The following SLC22A23 variants were observed in gnomAD, a reference collection of about 807,000 sequenced individuals.
SLC22A23 encodes the protein solute carrier family 22 member 23.
In SLC22A23, 26 loss-of-function variants were observed where a neutral mutation model predicts 61.0. The observed-to-expected ratio is 0.43, with a 90% CI of 0.31 to 0.59. The LOEUF is 0.59. SLC22A23 is among the 20% of genes least tolerant of loss of function. The pLI is 0.11. For synonymous variants in SLC22A23, 430 were observed against 413.9 expected (o/e 1.04, Z -0.47); for missense variants, 796 against 934.7 (o/e 0.85, Z 1.94).
chr6:3,410,146 T>C lies in SLC22A23; in HGVS notation c.913+42A>G, dbSNP rs1157841579. 3 of 1,571,844 alleles carry C rather than the reference T, an allele frequency of 1.9e-6. No homozygotes were observed. Among genetic ancestry groups the C allele is most frequent in the Admixed American group, 3.7e-5 (2 of 54,022 alleles). On this transcript the variant is annotated intron_variant, in intron 3 of 9. Coordinates refer to ENST00000406686, the MANE Select transcript of SLC22A23 (RefSeq NM_015482.2). This position sits in a 1 kb window ranked among gnomAD's most constrained non-coding sequence, Gnocchi z 5.0. The stretch of plus-strand genomic sequence containing the variant: ...AGAACCTCCCAGGCAACAATACTTT[T>C]GCTAAATTCTTTCAAGACTAGTCGT...
rs867518251 is a variant in SLC22A23, at chr6:3,372,848, T to G, written c.913+37340A>C. ...ATTATATTTCATCGCCAAACATTTA[T>G]GAAATACTTAAAATACACTAAGTGA... On this transcript the variant is annotated intron_variant, in intron 3 of 9. Transcript: ENST00000406686. The surrounding 1 kb of genome is among the most constrained non-coding windows in gnomAD (Gnocchi z 4.7). Among the ~76,000 whole-genome samples the G allele has an allele frequency of 2.0e-5, 3 of 152,354 alleles. No homozygotes were observed. Among genetic ancestry groups the G allele is most frequent in the Non-Finnish European group, 2.9e-5 (2 of 68,038 alleles).
At chr6:3,446,849 C>T (rs554665568) in intron 1 of SLC22A23, among the ~76,000 whole-genome samples, 3 of 152,314 alleles carry the variant, frequency 2.0e-5, no homozygotes, top group African/African-American at 4.8e-5. Context: ...TTGAAGCCCT[C>T]CATTCCCAAG....
chr6:3,397,012 A>C (rs967999926), intron 3 of SLC22A23, among the ~76,000 whole-genome samples: 4 of 151,972 alleles, frequency 2.6e-5, no homozygotes, highest in African/African-American at 9.7e-5. Flanking sequence ...CCCGTCACGC[A>C]CGCCCACCGG....
At chr6:3,311,243 A>G (rs1762351903) in intron 4 of SLC22A23, among the ~76,000 whole-genome samples, 1 of 152,144 alleles carries the variant, frequency 6.6e-6, no homozygotes, top group Non-Finnish European at 1.5e-5. Flanking sequence ...GGGAGGGAGG[A>G]GAATCTCAAA....
intron 4 of SLC22A23, among the ~76,000 whole-genome samples, chr6:3,314,758 T>C (rs796854355): frequency 7.2e-5 from 11 of 152,264 alleles, no homozygotes; most frequent in African/African-American, 2.6e-4. Context: ...TTGTAGCATG[T>C]CTGTTTTTTT....
chr6:3,296,484 C>T (rs529512383), intron 5 of SLC22A23, among the ~76,000 whole-genome samples: 14 of 152,288 alleles, frequency 9.2e-5, no homozygotes, highest in South Asian at 8.3e-4. Context: ...AAATAATACA[C>T]GTGAAGCACT....
At chr6:3,439,403 G>A (rs9502003) in intron 1 of SLC22A23, 316,673 of 422,654 alleles carry the variant, frequency 0.75, 119,743 homozygotes, top group South Asian at 0.82. Flanking sequence ...GAGCCACTGC[G>A]GCCCTGGACG....
chr6:3,440,997 C>A (rs929672465), intron 1 of SLC22A23, among the ~76,000 whole-genome samples: 4 of 152,208 alleles, frequency 2.6e-5, no homozygotes, highest in African/African-American at 9.7e-5. Flanking sequence ...AGCCTGACAG[C>A]CTCTGTAGTG....
chr6:3,419,828 AC>A (rs1436003653), intron 1 of SLC22A23, among the ~76,000 whole-genome samples: 11 of 152,134 alleles, frequency 7.2e-5, no homozygotes, highest in African/African-American at 1.9e-4. Context: ...TGCAAATTGA[AC>A]CTTGTTCTCT....
chr6:3,401,774 T>G (rs772188275), intron 3 of SLC22A23, among the ~76,000 whole-genome samples: 5 of 152,206 alleles, frequency 3.3e-5, no homozygotes, highest in Non-Finnish European at 7.3e-5. Flanking sequence ...ACAGAGCCCC[T>G]GGGTGAGCTC....
At chr6:3,315,448 C>T (rs575297691) in intron 4 of SLC22A23, among the ~76,000 whole-genome samples, 6 of 152,308 alleles carry the variant, frequency 3.9e-5, no homozygotes, top group East Asian at 1.9e-4. Flanking sequence ...TTCTGCTGTC[C>T]GAGATGGTCA....
At position 3,286,973 on chromosome 6, in the gene SLC22A23, C is replaced by T. The variant is rs752078303; in HGVS notation, c.1432G>A (p.Val478Met). 9.3e-6 allele frequency: 15 copies of T among 1,614,154 alleles called. No individual in the cohort carries two copies. The South Asian group carries it at 1.5e-4, about 17-fold the overall frequency. ...DYYTTASIAL[V>M]SCLAMCVVVR... ...ACCACGCACATGGCCAGGCAGGACA[C>T]CAGCGCGATGCTGGCCGTGGTATAG... is the stretch of plus-strand genomic sequence containing the variant. The change falls in exon 7 of 10, where the codon GTG (valine) becomes ATG (methionine). Residue 478 changes from valine (V) to methionine (M), a missense_variant. By Grantham distance (21) the Val-to-Met change is conservative (BLOSUM62 1). Transcript: ENST00000406686. This position sits in a 1 kb window ranked among gnomAD's most constrained non-coding sequence, Gnocchi z 4.2.
In SLC22A23 at chr6:3,324,176, G is replaced by T; in HGVS notation, c.914-174C>A. 2.9e-6 allele frequency: 2 copies of T among 699,502 alleles called. No individual in the cohort carries two copies. Among genetic ancestry groups the T allele is most frequent in the Non-Finnish European group, 4.7e-6 (2 of 426,518 alleles). The allele number at this position is 699,502 out of a possible 1,614,324, so 43.3% of individuals were successfully genotyped here. A position where few individuals can be genotyped will look rare whatever the true frequency, so the allele number is the denominator to read the frequency against. ...GCCAGTGTTTTACGGGCGCGTTGAG[G>T]CTCCAACTGGGAAGGGAAGTGAGAC... On this transcript the variant is annotated intron_variant, in intron 3 of 9. Coordinates refer to ENST00000406686, the MANE Select transcript of SLC22A23 (RefSeq NM_015482.2). This position sits in a 1 kb window ranked among gnomAD's most constrained non-coding sequence, Gnocchi z 4.3.
In SLC22A23 at chr6:3,286,694, G is replaced by A. The variant is rs1388312883; in HGVS notation, c.1546+165C>T. ...GGGAAGGCCCAGTGCCCTCTAAGGC[G>A]GGCTCCACAGATGCTCTCAACTGAA... On this transcript the variant is annotated intron_variant, in intron 7 of 9. Coordinates refer to ENST00000406686, the MANE Select transcript of SLC22A23 (RefSeq NM_015482.2). The surrounding 1 kb of genome is among the most constrained non-coding windows in gnomAD (Gnocchi z 4.2). Among the ~76,000 whole-genome samples the A allele has an allele frequency of 2.0e-5, 3 of 152,204 alleles. No individual in the cohort carries two copies. Among genetic ancestry groups the A allele is most frequent in the Non-Finnish European group, 2.9e-5 (2 of 68,032 alleles).
Position 3,296,534 on chromosome 6 carries a change from C to A in SLC22A23, c.1210+1557G>T, listed in dbSNP as rs1761111855. Among the ~76,000 whole-genome samples the A allele has an allele frequency of 1.3e-5, 2 of 152,196 alleles. 1 individual carries two copies. The highest frequency in any genetic ancestry group is 4.1e-4 in the South Asian group (2 of 4,826). On this transcript the variant is annotated intron_variant, in intron 5 of 9. Coordinates refer to ENST00000406686, the MANE Select transcript of SLC22A23 (RefSeq NM_015482.2). Reference sequence around the variant, plus strand: ...TAAATATGAATTAATATTTGCAAATCACTTAGAAAAGGAGCTGAAATGTGA... The same window carrying A: ...TAAATATGAATTAATATTTGCAAATAACTTAGAAAAGGAGCTGAAATGTGA...
chr6:3,388,484 G>A (rs913460774), intron 3 of SLC22A23, among the ~76,000 whole-genome samples: 3 of 152,192 alleles, frequency 2.0e-5, no homozygotes, highest in Non-Finnish European at 2.9e-5. Context: ...GCCAGCCACC[G>A]TGGAAAACTG....
At chr6:3,359,795 C>T (rs141880712) in intron 3 of SLC22A23, among the ~76,000 whole-genome samples, 119 of 152,236 alleles carry the variant, frequency 7.8e-4, no homozygotes, top group Admixed American at 2.2e-3. Context: ...GTGGGAGCAA[C>T]GCAGGTGTCC....
At chr6:3,326,047 A>G (rs1283010656) in intron 3 of SLC22A23, among the ~76,000 whole-genome samples, 3 of 152,116 alleles carry the variant, frequency 2.0e-5, no homozygotes, top group African/African-American at 7.2e-5. Flanking sequence ...CTAACCCCAC[A>G]TCCTAATCTA....
intron 4 of SLC22A23, among the ~76,000 whole-genome samples, chr6:3,303,930 C>T (rs941161933): frequency 3.3e-5 from 5 of 152,220 alleles, no homozygotes; most frequent in Non-Finnish European, 7.3e-5. Context: ...AGCACAACAT[C>T]ACTATGTACC....
Sources: allele counts gnomAD v4.1 joint callset (sites outside exome capture counted in the v4.1 genomes callset), GRCh38; gene constraint gnomAD v4.1.1; non-coding constraint Gnocchi (gnomAD v3.1); transcripts MANE v1.5; gene names NCBI Gene and HGNC (gene_info 2026-07-23, HGNC 2026-07-21).